The following UMODL1 variants were observed in gnomAD, a reference collection of about 807,000 sequenced individuals.
UMODL1 encodes uromodulin like 1.
In UMODL1, 128 loss-of-function variants were observed where a neutral mutation model predicts 136.3. That is an observed-to-expected ratio of 0.94 (90% CI 0.81 to 1.09). The LOEUF is 1.09. Among genes scored for constraint, UMODL1 ranks in the 50% least tolerant of loss-of-function variants. UMODL1 has a pLI of 0.00. For missense variants in UMODL1, 1,766 were observed against 1,725.6 expected (o/e 1.02, Z -0.41); for synonymous variants, 721 against 720.0 (o/e 1.00, Z -0.02).
At chr21:42,069,864 C>T (rs1218149526), upstream of UMODL1, among the ~76,000 whole-genome samples, 1 of 147,282 alleles carries the variant, frequency 6.8e-6, no homozygotes, top group East Asian at 1.9e-4. Context: ...AATAAAATTT[C>T]ACTTCCTTGA....
At position 42,123,344 on chromosome 21, in the gene UMODL1, A is replaced by C. The variant is rs143505420; in HGVS notation, c.3147+194A>C. ...AGAATCGGAAGGGAGCTGTGAGTCC[A>C]CCCAGGAGGGACTCTGGTGCAGAGT... On this transcript the variant is annotated intron_variant, in intron 17 of 22. Coordinates refer to ENST00000408910, the MANE Select transcript of UMODL1 (RefSeq NM_001004416.3). The surrounding 1 kb of genome is among the most constrained non-coding windows in gnomAD (Gnocchi z 4.4). Among the ~76,000 whole-genome samples the C allele has an allele frequency of 9.0e-3, 1,375 of 152,208 alleles. 22 individuals are homozygous for C. The highest frequency in any genetic ancestry group is 0.031 in the African/African-American group (1,304 of 41,506).
rs773978066 is a variant in UMODL1 at position 42,129,727 on chromosome 21, T to A, written c.3705T>A (p.Phe1235Leu). 15 of 1,582,278 alleles carry A rather than the reference T, an allele frequency of 9.5e-6. No individual in the cohort carries two copies. The highest frequency in any genetic ancestry group is 1.3e-5 in the Non-Finnish European group (15 of 1,169,136). The change falls in exon 21 of 23, where the codon TTT becomes TTA. Residue 1235 changes from phenylalanine to leucine, a missense_variant. Transcript: ENST00000408910. ...AAAAAAAACAGAATTGCAATAACTTTCGGTTGCTGCAAAATAGTGAAACCT... is the reference window on the plus strand; with the variant it reads ...AAAAAAAACAGAATTGCAATAACTTACGGTTGCTGCAAAATAGTGAAACCT... Reference protein sequence around the residue: ...GATCKINCNNFRLLQNSETSA... With the variant: ...GATCKINCNNLRLLQNSETSA...
At position 42,103,904 on chromosome 21, in the gene UMODL1, T is replaced by A; in HGVS notation, c.1336T>A (p.Tyr446Asn). 1 of 1,614,154 alleles carries A rather than the reference T, an allele frequency of 6.2e-7. No homozygotes were observed. The highest frequency in any genetic ancestry group is 1.3e-5 in the African/African-American group (1 of 75,038). The change falls in exon 9 of 23, where the codon TAC (tyrosine) becomes AAC (asparagine). Residue 446 changes from tyrosine (Y) to asparagine (N), a missense_variant. Physicochemically the swap from Tyr to Asn is moderately radical, Grantham distance 143. Coordinates refer to ENST00000408910, the MANE Select transcript of UMODL1 (RefSeq NM_001004416.3). ...SSFPPVVSDL[Y>N]RSGKLRMQIV... ...CTTCCCACCAGTGGTGTCTGACTTG[T>A]ACCGAAGTGGGAAGCTGAGAATGCA... is the stretch of plus-strand genomic sequence containing the variant.
At position 42,088,316 on chromosome 21, in the gene UMODL1, T is replaced by C. The variant is rs755569855; in HGVS notation, c.626T>C (p.Met209Thr). 1.2e-6 allele frequency: 2 copies of C among 1,613,296 alleles called. No homozygotes were observed. Among genetic ancestry groups the C allele is most frequent in the Non-Finnish European group, 1.7e-6 (2 of 1,179,528 alleles). The stretch of plus-strand genomic sequence containing the variant: ...CAGGTCACCAGCGCCCTGCAACCAA[T>C]GGCCTCCACCGTCCACCACCTGCAC... ...HSLVTSALQP[M>T]ASTVHHLHSA... Residue 209 changes from methionine to threonine, a missense_variant, in exon 5 of 23, where the codon ATG (methionine) becomes ACG (threonine). Met to Thr is a moderately conservative substitution (Grantham distance 81). Coordinates refer to ENST00000408910, the MANE Select transcript of UMODL1 (RefSeq NM_001004416.3).
chr21:42,096,426 A>G (rs2066558340), intron 6 of UMODL1, among the ~76,000 whole-genome samples: 1 of 152,198 alleles, frequency 6.6e-6, no homozygotes, highest in African/African-American at 2.4e-5. Context: ...TAATTTAAAG[A>G]GTAAATATAC....
chr21:42,132,233 CATCT>C (rs926843402), intron 21 of UMODL1, among the ~76,000 whole-genome samples: 10 of 151,896 alleles, frequency 6.6e-5, no homozygotes, highest in South Asian at 2.1e-4. Flanking sequence ...TCCATCCATC[CATCT>C]ATCCATTGGT....
At chr21:42,124,596 G>A (rs1025881711) in intron 17 of UMODL1, among the ~76,000 whole-genome samples, 1 of 152,132 alleles carries the variant, frequency 6.6e-6, no homozygotes. Context: ...AGGCCTGGTG[G>A]GAAAGTGGGG....
chr21:42,119,394 C>A, intron 15 of UMODL1, 70 bp downstream of exon 15: 1 of 1,458,142 alleles, frequency 6.9e-7, no homozygotes, highest in Non-Finnish European at 9.5e-7. Context: ...AGCCACCACC[C>A]TTCGCTTTTG....
chr21:42,138,150 G>T (rs183199493), intron 22 of UMODL1, among the ~76,000 whole-genome samples: 1 of 152,156 alleles, frequency 6.6e-6, no homozygotes, highest in Non-Finnish European at 1.5e-5. Context: ...GAGCCTCTTG[G>T]TGCCTCGGTT....
Position 42,123,298 on chromosome 21 carries a change from C to A in UMODL1, c.3147+148C>A. ...GTTCAGGACAGGGTTGAGTTCTCAA[C>A]CAGGGACCAGCCTGCACCCCAGAAT... is the stretch of plus-strand genomic sequence containing the variant. On this transcript the variant is annotated intron_variant, in intron 17 of 22. Coordinates refer to ENST00000408910, the MANE Select transcript of UMODL1 (RefSeq NM_001004416.3). The surrounding 1 kb of genome is among the most constrained non-coding windows in gnomAD (Gnocchi z 4.4). 2.2e-6 allele frequency: 2 copies of A among 929,012 alleles called. No homozygotes were observed. Among genetic ancestry groups the A allele is most frequent in the Non-Finnish European group, 3.1e-6 (2 of 638,122 alleles). The allele number at this position is 929,012 out of a possible 1,614,324, so 57.5% of individuals were successfully genotyped here. A position where few individuals can be genotyped will look rare whatever the true frequency, so the allele number is the denominator to read the frequency against.
chr21:42,124,648 G>T (rs1445729831), intron 17 of UMODL1, among the ~76,000 whole-genome samples: 3 of 152,084 alleles, frequency 2.0e-5, no homozygotes, highest in African/African-American at 7.2e-5. Flanking sequence ...TGGCCTAGGA[G>T]CCAGGGCCAG....
intron 21 of UMODL1, among the ~76,000 whole-genome samples, chr21:42,134,916 G>T (rs60950689): frequency 0.045 from 6,847 of 152,084 alleles, 256 homozygotes; most frequent in East Asian, 0.21. Context: ...GAGCCACCTT[G>T]CCTGGCAATT....
At chr21:42,104,230 G>A in intron 9 of UMODL1, 143 bp downstream of exon 9, 1 of 931,060 alleles carries the variant, frequency 1.1e-6, no homozygotes, top group East Asian at 2.7e-5. Context: ...CCGGAACCAG[G>A]GGCCAGGGCA....
At chr21:42,130,316 T>C (rs979172514) in intron 21 of UMODL1, among the ~76,000 whole-genome samples, 3 of 152,224 alleles carry the variant, frequency 2.0e-5, no homozygotes, top group African/African-American at 7.2e-5. Context: ...GGCATATCTG[T>C]TCCCCCTCAG....
chr21:42,068,144 G>A (rs952387800), upstream of UMODL1, among the ~76,000 whole-genome samples: 1 of 152,172 alleles, frequency 6.6e-6, no homozygotes, highest in Non-Finnish European at 1.5e-5. The surrounding 1 kb of genome is among the most constrained non-coding windows in gnomAD (Gnocchi z 5.5). Flanking sequence ...AAGGCCAACC[G>A]TGATTCCATA....
intron 5 of UMODL1, among the ~76,000 whole-genome samples, 197 bp from the exon 6 acceptor site, chr21:42,090,101 C>T (rs973414924): frequency 2.7e-4 from 41 of 152,200 alleles, no homozygotes; most frequent in African/African-American, 9.4e-4. Flanking sequence ...GCTTGGATGA[C>T]GATGGCCAGC....
intron 15 of UMODL1, 130 bp from the exon 16 acceptor site, chr21:42,120,957 C>G (rs1484264239): frequency 4.1e-6 from 5 of 1,210,730 alleles, no homozygotes; most frequent in Non-Finnish European, 5.8e-6. Context: ...AACTGGTGAG[C>G]TTGACTGCAG....
At chr21:42,136,211 T>G (rs1042651449) in intron 21 of UMODL1, among the ~76,000 whole-genome samples, 3 of 152,162 alleles carry the variant, frequency 2.0e-5, no homozygotes, top group Non-Finnish European at 4.4e-5. Context: ...AAAATTAAAC[T>G]GAGATGAAAT....
rs1303312250 is a variant in UMODL1, at chr21:42,129,803, T to C, written c.3775+6T>C. The C allele has an allele frequency of 6.4e-7, 1 of 1,559,120 alleles. No individual in the cohort carries two copies. The stretch of plus-strand genomic sequence containing the variant: ...ACCCCTCATCCGGTCTGAAGGTGAG[T>C]TGATGACTTGGTTTAGACAATGAAA... On this transcript the variant is annotated splice_donor_region_variant and intron_variant, in intron 21 of 22. Coordinates refer to ENST00000408910, the MANE Select transcript of UMODL1 (RefSeq NM_001004416.3).
Sources: gnomAD v4.1 joint callset for allele counts (sites outside exome capture counted in the v4.1 genomes callset) on GRCh38, gnomAD v4.1.1 for gene constraint, Gnocchi (gnomAD v3.1) non-coding constraint, MANE v1.5 for transcripts, NCBI Gene and HGNC (gene_info 2026-07-23, HGNC 2026-07-21) for gene names.